Variants in KLHL32 observed in about 807,000 individuals in gnomAD.
KLHL32 encodes the protein kelch like family member 32.
KLHL32 carries 35 observed loss-of-function variants against 64.8 expected under a neutral mutation model. The ratio of observed to expected loss-of-function variants is 0.54; its 90% CI spans 0.41 to 0.72. KLHL32 has a LOEUF of 0.72. KLHL32 is among the 30% of genes least tolerant of loss of function. The pLI, the probability that KLHL32 is intolerant of heterozygous loss-of-function variation, is 0.00. For missense variants in KLHL32, 589 were observed against 768.5 expected (o/e 0.77, Z 2.76); for synonymous variants, 259 against 281.0 (o/e 0.92, Z 0.78).
chr6:96,981,019 C>T (rs747911901), intron 3 of KLHL32, among the ~76,000 whole-genome samples: 24 of 136,460 alleles, frequency 1.8e-4, no homozygotes, highest in African/African-American at 2.5e-4. Flanking sequence ...GGGGGGCAGG[C>T]GGGGGAAAAG....
At chr6:96,936,751 C>T (rs540274348) in intron 1 of KLHL32, among the ~76,000 whole-genome samples, 1 of 152,190 alleles carries the variant, frequency 6.6e-6, no homozygotes, top group South Asian at 2.1e-4. Flanking sequence ...ACTGCAGCAG[C>T]TTCCATCCCA....
At chr6:97,025,215 G>C in intron 3 of KLHL32, 1 of 772,104 alleles carries the variant, frequency 1.3e-6, no homozygotes. Context: ...GTAAAAATCT[G>C]ATTTGGAACG....
At chr6:96,909,771 A>ATT in the KLHL32 span, among the ~76,000 whole-genome samples, 2 of 152,252 alleles carry the variant, frequency 1.3e-5, no homozygotes, top group African/African-American at 4.8e-5. Context: ...ACATCAGCAC[A>ATT]TTCAGAAGAG....
intron 3 of KLHL32, among the ~76,000 whole-genome samples, chr6:97,003,843 G>A (rs1471282488): frequency 6.6e-6 from 1 of 152,080 alleles, no homozygotes; most frequent in Admixed American, 6.6e-5. Context: ...TGTTCCGTTG[G>A]TCTATGTCTC....
chr6:97,086,210 C>G, intron 6 of KLHL32, among the ~76,000 whole-genome samples: 1 of 152,164 alleles, frequency 6.6e-6, no homozygotes, highest in East Asian at 1.9e-4. Flanking sequence ...CTTCTATTAG[C>G]TGATTAAACA....
chr6:97,125,246 G>A (rs1351483437), intron 7 of KLHL32, among the ~76,000 whole-genome samples: 1 of 152,112 alleles, frequency 6.6e-6, no homozygotes, highest in East Asian at 1.9e-4. Flanking sequence ...GTAATGATTG[G>A]CCTGGATAGG....
At chr6:97,134,384 C>A (rs1322236238) in intron 10 of KLHL32, among the ~76,000 whole-genome samples, 1 of 152,190 alleles carries the variant, frequency 6.6e-6, no homozygotes, top group African/African-American at 2.4e-5. Flanking sequence ...TTCGTCCTGT[C>A]TTTCGGATAA....
intron 6 of KLHL32, among the ~76,000 whole-genome samples, chr6:97,091,977 CTTTCTT>C (rs1278156873): frequency 7.5e-5 from 10 of 133,228 alleles, no homozygotes; most frequent in Admixed American, 3.8e-4. Context: ...AATTCTCTTT[CTTTCTT>C]TTTTTTTTTT....
chr6:96,911,299 C>G, the KLHL32 span, among the ~76,000 whole-genome samples: 1 of 152,174 alleles, frequency 6.6e-6, no homozygotes, highest in Non-Finnish European at 1.5e-5. Context: ...CTTCTGTGCA[C>G]ATACAGATTA....
chr6:96,933,802 C>T (rs55683359), intron 1 of KLHL32, among the ~76,000 whole-genome samples: 1 of 152,108 alleles, frequency 6.6e-6, no homozygotes, highest in African/African-American at 2.4e-5. Context: ...AGCAGTCACT[C>T]ATGGTGGCTT....
chr6:96,951,901 A>G (rs1010398474), intron 1 of KLHL32, among the ~76,000 whole-genome samples: 1 of 152,196 alleles, frequency 6.6e-6, no homozygotes, highest in African/African-American at 2.4e-5. Flanking sequence ...GTTTTGTTCA[A>G]TGCCATTTCA....
At chr6:97,039,699 A>G (rs1784842358) in intron 3 of KLHL32, among the ~76,000 whole-genome samples, 1 of 109,836 alleles carries the variant, frequency 9.1e-6, no homozygotes, top group Non-Finnish European at 1.9e-5. Context: ...GGGCACCTAT[A>G]GTCCCAGCTA....
chr6:96,964,979 GTT>G (rs1449398308), intron 1 of KLHL32, among the ~76,000 whole-genome samples: 2 of 152,160 alleles, frequency 1.3e-5, no homozygotes, highest in Non-Finnish European at 2.9e-5. Context: ...GAGCAATGGA[GTT>G]TTTTAGCCCA....
chr6:97,138,449 G>A (rs943133764), intron 10 of KLHL32, among the ~76,000 whole-genome samples: 1 of 152,120 alleles, frequency 6.6e-6, no homozygotes, highest in Non-Finnish European at 1.5e-5. Flanking sequence ...TGAGGCAGGA[G>A]GATTGCTTGA....
intron 3 of KLHL32, chr6:96,999,424 C>A (rs1778773174): frequency 2.5e-6 from 1 of 407,514 alleles, no homozygotes; most frequent in Non-Finnish European, 3.3e-6. Context: ...GAGTTAATTT[C>A]CGTTTTTGTT....
At chr6:96,920,586 ACAC>A (rs1768721473), upstream of KLHL32, among the ~76,000 whole-genome samples, 1 of 152,068 alleles carries the variant, frequency 6.6e-6, no homozygotes, top group Non-Finnish European at 1.5e-5. Context: ...ACACACACAC[ACAC>A]ATCTCCCTCC....
intron 4 of KLHL32, among the ~76,000 whole-genome samples, chr6:97,058,402 T>G (rs1390111247): frequency 6.6e-6 from 1 of 152,222 alleles, no homozygotes; most frequent in Non-Finnish European, 1.5e-5. Context: ...TATTTAGTTT[T>G]TCTTTGATTT....
chr6:97,045,520 G>T (rs527736777), intron 4 of KLHL32, among the ~76,000 whole-genome samples: 1 of 152,146 alleles, frequency 6.6e-6, no homozygotes, highest in South Asian at 2.1e-4. Context: ...AATAATATCT[G>T]CACTCAGCTG....
At chr6:96,950,927 A>G (rs1772496302) in intron 1 of KLHL32, among the ~76,000 whole-genome samples, 1 of 152,176 alleles carries the variant, frequency 6.6e-6, no homozygotes, top group African/African-American at 2.4e-5. Flanking sequence ...TTGGGGGTAG[A>G]CATGTGCATA....
Sources: allele counts gnomAD v4.1 joint callset (sites outside exome capture counted in the v4.1 genomes callset), GRCh38; gene constraint gnomAD v4.1.1; transcripts MANE v1.5; gene names NCBI Gene and HGNC (gene_info 2026-07-23, HGNC 2026-07-21).